Variants in APBA1 observed in about 807,000 individuals in gnomAD.
The protein encoded by APBA1 is amyloid-beta A4 precursor protein-binding family A member 1.
A neutral mutation model predicts 86.6 loss-of-function variants in APBA1; 55 were observed. The observed-to-expected ratio is 0.64, with a 90% CI of 0.51 to 0.80. The LOEUF is 0.80. Among genes scored for constraint, APBA1 ranks in the 30% least tolerant of loss-of-function variants. APBA1 has a pLI of 0.00. For synonymous variants in APBA1, 511 were observed against 493.9 expected (o/e 1.03, Z -0.46); for missense variants, 1,090 against 1,183.0 (o/e 0.92, Z 1.15).
At chr9:69,589,068 C>T (rs958279708) in intron 1 of APBA1, among the ~76,000 whole-genome samples, 4 of 152,172 alleles carry the variant, frequency 2.6e-5, no homozygotes, top group African/African-American at 9.7e-5. Context: ...CATCCTTCCA[C>T]CTCAGCCTCC....
At chr9:69,628,635 A>G (rs533118435) in intron 1 of APBA1, among the ~76,000 whole-genome samples, 2 of 152,300 alleles carry the variant, frequency 1.3e-5, no homozygotes, top group African/African-American at 4.8e-5. Flanking sequence ...AGGTTCTGCG[A>G]TGAAAAGCTT....
At chr9:69,463,097 A>C (rs575231420) in intron 5 of APBA1, 1 of 152,150 alleles carries the variant, frequency 6.6e-6, no homozygotes, top group Non-Finnish European at 1.5e-5. Flanking sequence ...CAAAACAAAA[A>C]AATGTTTAAT....
intron 1 of APBA1, among the ~76,000 whole-genome samples, chr9:69,560,380 T>A (rs1182222905): frequency 6.6e-6 from 1 of 152,220 alleles, no homozygotes; most frequent in Non-Finnish European, 1.5e-5. Context: ...CAGATGCCCA[T>A]GCCCACACCA....
intron 1 of APBA1, among the ~76,000 whole-genome samples, chr9:69,607,782 G>C (rs1165320659): frequency 6.6e-6 from 1 of 152,208 alleles, no homozygotes; most frequent in Non-Finnish European, 1.5e-5. Flanking sequence ...TGGCTCCAGA[G>C]TCAGATTACT....
At chr9:69,650,957 T>C (rs1008487164) in intron 1 of APBA1, among the ~76,000 whole-genome samples, 3 of 152,200 alleles carry the variant, frequency 2.0e-5, no homozygotes, top group Non-Finnish European at 4.4e-5. Flanking sequence ...GAAAGACATA[T>C]ATAACATTGT....
Position 69,516,569 on chromosome 9 carries a change from CCGCAGGCCGTCG to C in APBA1, c.630_641del (p.Asp211_Arg214del). 1.2e-6 allele frequency: 2 copies of C among 1,600,684 alleles called. No individual in the cohort carries two copies. Among genetic ancestry groups the C allele is most frequent in the Middle Eastern group, 3.3e-4 (2 of 6,034 alleles). ...CCTCGTCGCGCTCCTGCTCGTAGAG[CCGCAGGCCGTCG>C]CGTGCGTCCAGCTCGGGCGCGTCCC... is the stretch of plus-strand genomic sequence containing the variant. On this transcript the variant is annotated inframe_deletion, in exon 2 of 13. Transcript: ENST00000265381. This position sits in a 1 kb window ranked among gnomAD's most constrained non-coding sequence, Gnocchi z 7.3.
chr9:69,627,199 C>G (rs1269767392), intron 1 of APBA1, among the ~76,000 whole-genome samples: 4 of 152,012 alleles, frequency 2.6e-5, no homozygotes, highest in African/African-American at 7.2e-5. Context: ...TTTAAATACC[C>G]AAAAAATTAC....
chr9:69,517,912 A>G (rs890784066), intron 1 of APBA1, among the ~76,000 whole-genome samples: 1 of 152,014 alleles, frequency 6.6e-6, no homozygotes, highest in Admixed American at 6.6e-5. Context: ...TCGGTGGTCA[A>G]GTAAGTTTGG....
chr9:69,476,463 C>A (rs190612730), intron 2 of APBA1, among the ~76,000 whole-genome samples: 178 of 152,268 alleles, frequency 1.2e-3, no homozygotes, highest in Non-Finnish European at 2.2e-3. Context: ...AAGGATATTA[C>A]ACAAACATGT....
chr9:69,550,142 C>A (rs954138035), intron 1 of APBA1, among the ~76,000 whole-genome samples: 1 of 152,218 alleles, frequency 6.6e-6, no homozygotes, highest in Admixed American at 6.5e-5. Flanking sequence ...ATATTCTCAT[C>A]AGTCCTCATG....
intron 1 of APBA1, among the ~76,000 whole-genome samples, chr9:69,632,618 G>A (rs1823071175): frequency 6.6e-6 from 1 of 152,116 alleles, no homozygotes; most frequent in Admixed American, 6.6e-5. Context: ...CAACAAAGAT[G>A]AAGATCACAA....
intron 2 of APBA1, among the ~76,000 whole-genome samples, chr9:69,487,743 CA>C (rs1236010268): frequency 6.6e-6 from 1 of 152,034 alleles, no homozygotes; most frequent in Non-Finnish European, 1.5e-5. Flanking sequence ...TCCCCACTAG[CA>C]AGAAAACCCT....
chr9:69,532,177 A>AG (rs11394693), intron 1 of APBA1, among the ~76,000 whole-genome samples: 34,327 of 151,820 alleles, frequency 0.23, 4,042 homozygotes, highest in African/African-American at 0.29. Flanking sequence ...TGTGTAGCAG[A>AG]GGGGGAAGGG....
chr9:69,588,936 A>C (rs1822074212), intron 1 of APBA1, among the ~76,000 whole-genome samples: 1 of 151,882 alleles, frequency 6.6e-6, no homozygotes, highest in African/African-American at 2.4e-5. Flanking sequence ...GCTTGAGGGG[A>C]AGAATAGTAT....
chr9:69,443,834 G>A (rs1230097920), intron 10 of APBA1, among the ~76,000 whole-genome samples: 1 of 152,142 alleles, frequency 6.6e-6, no homozygotes, highest in Non-Finnish European at 1.5e-5. Context: ...ACCAGAGAGG[G>A]TGTGTCTTTT....
At chr9:69,597,689 A>G (rs1822257075) in intron 1 of APBA1, among the ~76,000 whole-genome samples, 4 of 152,202 alleles carry the variant, frequency 2.6e-5, no homozygotes, top group Admixed American at 1.3e-4. Flanking sequence ...TGATTTTTGT[A>G]TAAGTTGTAA....
At chr9:69,534,340 G>T (rs2133910242) in intron 1 of APBA1, among the ~76,000 whole-genome samples, 1 of 152,268 alleles carries the variant, frequency 6.6e-6, no homozygotes, top group Admixed American at 6.5e-5. Context: ...TGGGACCATG[G>T]TTAGTTCTAT....
intron 1 of APBA1, among the ~76,000 whole-genome samples, chr9:69,530,537 T>C (rs970373353): frequency 1.3e-5 from 2 of 151,932 alleles, no homozygotes; most frequent in African/African-American, 2.4e-5. Context: ...GATATGAAGA[T>C]GGAAACTATA....
At chr9:69,505,720 T>C (rs1230788459) in intron 2 of APBA1, among the ~76,000 whole-genome samples, 3 of 152,084 alleles carry the variant, frequency 2.0e-5, no homozygotes, top group Admixed American at 1.3e-4. Context: ...CTGTGGATTT[T>C]CAGAACTGGT....
Sources: allele counts gnomAD v4.1 joint callset (sites outside exome capture counted in the v4.1 genomes callset), GRCh38; gene constraint gnomAD v4.1.1; non-coding constraint Gnocchi (gnomAD v3.1); transcripts MANE v1.5; gene names NCBI Gene and HGNC (gene_info 2026-07-23, HGNC 2026-07-21).